Variants in DIO2 observed in about 807,000 individuals in gnomAD.
DIO2 encodes the protein type II iodothyronine deiodinase.
A neutral mutation model predicts 21.4 loss-of-function variants in DIO2; 19 were observed. The observed-to-expected ratio is 0.89, with a 90% CI of 0.62 to 1.30. DIO2 has a LOEUF of 1.30. DIO2 is among the 50% of genes most tolerant of loss of function. The probability of loss-of-function intolerance (pLI) is 0.00; values close to 1 mark genes in which losing one functional copy is unlikely to be tolerated. For synonymous variants in DIO2, 122 were observed against 132.9 expected (o/e 0.92, Z 0.57); for missense variants, 302 against 338.1 (o/e 0.89, Z 0.84).
upstream of DIO2, among the ~76,000 whole-genome samples, chr14:80,213,388 C>T (rs1478691670): frequency 2.6e-5 from 4 of 152,098 alleles, no homozygotes; most frequent in Non-Finnish European, 4.4e-5. Flanking sequence ...TAGCGTATTG[C>T]GTATTTTTTC....
chr14:80,228,128 G>C (rs1888612512), intron 2 of DIO2, among the ~76,000 whole-genome samples: 1 of 152,232 alleles, frequency 6.6e-6, no homozygotes, highest in Non-Finnish European at 1.5e-5. Context: ...GGACCAGTGT[G>C]ATATCTTGCA....
At chr14:80,219,963 G>T (rs1489963623) in intron 2 of DIO2, among the ~76,000 whole-genome samples, 1 of 152,058 alleles carries the variant, frequency 6.6e-6, no homozygotes, top group South Asian at 2.1e-4. Context: ...ACATAATTAG[G>T]AATGGATAAC....
At chr14:80,213,117 T>C (rs920120090), upstream of DIO2, among the ~76,000 whole-genome samples, 3 of 152,208 alleles carry the variant, frequency 2.0e-5, no homozygotes, top group Admixed American at 6.5e-5. Flanking sequence ...GCCGACTGAA[T>C]TGGTTCAAGG....
rs181369623 is a variant in DIO2, at chr14:80,210,975, C to A, written c.222+276G>T. On this transcript the variant is annotated intron_variant, in intron 1 of 1. Coordinates refer to ENST00000438257, the MANE Select transcript of DIO2 (RefSeq NM_013989.5). ...CTTTTCCCAAGTTATCGTACCAGCA[C>A]AATGCCTTCTACTCCCAAATCACAG... 1.1e-4 allele frequency among the ~76,000 whole-genome samples: 16 copies of A among 152,314 alleles called. No individual in the cohort carries two copies. In the East Asian group the frequency reaches 2.9e-3, roughly 28 times the overall value.
intron 2 of DIO2, among the ~76,000 whole-genome samples, chr14:80,219,211 G>C (rs1888416228): frequency 6.6e-6 from 1 of 152,178 alleles, no homozygotes; most frequent in African/African-American, 2.4e-5. Context: ...GTGGAAGGTA[G>C]GGCTGGATTT....
At chr14:80,228,698 A>G (rs772600880) in intron 2 of DIO2, among the ~76,000 whole-genome samples, 21 of 152,172 alleles carry the variant, frequency 1.4e-4, no homozygotes, top group Admixed American at 3.9e-4. Flanking sequence ...AAGTATGTCT[A>G]TACCAATTGT....
chr14:80,228,580 T>C lies in DIO2; in HGVS notation c.-277-11843A>G, dbSNP rs115906974. On this transcript the variant is annotated intron_variant, in intron 2 of 4. Coordinates refer to the DIO2 transcript ENST00000553594. ...GGGATGTGATATTGTCTTGATTTACTATTTTTCTAGGTAGAGCCAGCTCTA... is the reference window on the plus strand; with the variant it reads ...GGGATGTGATATTGTCTTGATTTACCATTTTTCTAGGTAGAGCCAGCTCTA... Among the ~76,000 whole-genome samples, 576 of 152,326 alleles carry C rather than the reference T, an allele frequency of 3.8e-3. 8 individuals are homozygous for C. Among genetic ancestry groups the C allele is most frequent in the African/African-American group, 0.014 (566 of 41,560 alleles).
chr14:80,208,373 T>C (rs1326741383), intron 1 of DIO2, among the ~76,000 whole-genome samples: 1 of 152,068 alleles, frequency 6.6e-6, no homozygotes, highest in African/African-American at 2.4e-5. Context: ...TAAGAAAGGG[T>C]TTATTTAAAA....
At chr14:80,224,687 C>A (rs1269320394) in intron 2 of DIO2, among the ~76,000 whole-genome samples, 2 of 152,086 alleles carry the variant, frequency 1.3e-5, no homozygotes, top group African/African-American at 4.8e-5. Context: ...GTTATAGCAG[C>A]CACAGGAAAC....
chr14:80,208,383 A>C (rs1888034045), intron 1 of DIO2, among the ~76,000 whole-genome samples: 1 of 152,194 alleles, frequency 6.6e-6, no homozygotes, highest in Non-Finnish European at 1.5e-5. Context: ...TTTATTTAAA[A>C]AAAAAAGAAA....
intron 2 of DIO2, among the ~76,000 whole-genome samples, chr14:80,226,585 T>C (rs1340374200): frequency 6.6e-6 from 1 of 152,196 alleles, no homozygotes. Context: ...AATGGTGCCA[T>C]ACCAAGAACT....
chr14:80,214,207 C>A (rs1888295530), upstream of DIO2, among the ~76,000 whole-genome samples: 1 of 152,174 alleles, frequency 6.6e-6, no homozygotes, highest in Middle Eastern at 3.2e-3. Context: ...GCCTTAGAAT[C>A]TCTCCCCTTC....
chr14:80,215,367 CT>C, upstream of DIO2, among the ~76,000 whole-genome samples: 1 of 152,132 alleles, frequency 6.6e-6, no homozygotes, highest in South Asian at 2.1e-4. Flanking sequence ...ACAAGACTTT[CT>C]TTAGTCCTCT....
chr14:80,229,695 G>A (rs549031709), intron 2 of DIO2, among the ~76,000 whole-genome samples: 29 of 152,178 alleles, frequency 1.9e-4, no homozygotes, highest in African/African-American at 6.5e-4. Flanking sequence ...AGCTAACCAA[G>A]CAAATAAACT....
At position 80,198,266 on chromosome 14, in the gene DIO2, CG is replaced by C. The variant is rs1161007800; in HGVS notation, c.*4422del. ...GGAGCTCTGCTGTTGCTGCCTAAGACGGGTAGCCAGCCCCGACTTGCATGAG... is the reference window on the plus strand; with the variant it reads ...GGAGCTCTGCTGTTGCTGCCTAAGACGGTAGCCAGCCCCGACTTGCATGAG... On this transcript the variant is annotated 3_prime_UTR_variant, in exon 2 of 2. Transcript: ENST00000438257. 6.6e-6 allele frequency: 1 copy of C among 152,608 alleles called. No individual in the cohort carries two copies. The highest frequency in any genetic ancestry group is 6.5e-5 in the Admixed American group (1 of 15,274). The allele number at this position is 152,608 out of a possible 1,614,324, so 9.5% of individuals were successfully genotyped here.
chr14:80,208,405 T>C (rs74064459), intron 1 of DIO2, among the ~76,000 whole-genome samples: 1,862 of 152,290 alleles, frequency 0.012, 32 homozygotes, highest in African/African-American at 0.04. Context: ...GAAAATATTT[T>C]GTTCTTTCTT....
At position 80,200,812 on chromosome 14, in the gene DIO2, T is replaced by C. The variant is rs1443361832; in HGVS notation, c.*1877A>G. 1 of 152,232 alleles carries C rather than the reference T, an allele frequency of 6.6e-6. No individual in the cohort carries two copies. Among genetic ancestry groups the C allele is most frequent in the Non-Finnish European group, 1.5e-5 (1 of 68,046 alleles). The allele number at this position is 152,232 out of a possible 1,614,324, so 9.4% of individuals were successfully genotyped here. ...ATACCAGCTGGTGACACGACTGATATGTTGCTCCCATTTAAAAAATAAAAT... is the reference window on the plus strand; with the variant it reads ...ATACCAGCTGGTGACACGACTGATACGTTGCTCCCATTTAAAAAATAAAAT... On this transcript the variant is annotated 3_prime_UTR_variant, in exon 2 of 2. Coordinates refer to ENST00000438257, the MANE Select transcript of DIO2 (RefSeq NM_013989.5).
chr14:80,202,972 A>G lies in DIO2; in HGVS notation c.539T>C (p.Phe180Ser), dbSNP rs768655783. The G allele has an allele frequency of 6.2e-6, 10 of 1,613,976 alleles. No individual in the cohort carries two copies. The Admixed American group carries it at 1.5e-4, about 24-fold the overall frequency. Reference protein sequence around the residue: ...WAIPGDSSLSFEVKKHQNQED... With the variant: ...WAIPGDSSLSSEVKKHQNQED... ...CTGGTTCTGGTGCTTCTTCACCTCA[A>G]AAGACAAAGAGGAGTCCCCCGGTAT... Residue 180 changes from phenylalanine (F) to serine (S), a missense_variant, in exon 2 of 2, where the codon TTT (phenylalanine) becomes TCT (serine). Transcript: ENST00000438257.
rs1265533572 is a variant in DIO2, at chr14:80,211,316, G to T, written c.157C>A (p.Arg53Ser). The T allele has an allele frequency of 6.2e-7, 1 of 1,612,958 alleles. No homozygotes were observed. ...CGCAGTCCCTCTGAGGTCAGCATGC[G>T]CCGCCACTCTCCGCGAGTGGACTTG... ...RSKSTRGEWRRMLTSEGLRCV... is the reference protein window; with the variant it reads ...RSKSTRGEWRSMLTSEGLRCV... Residue 53 changes from arginine to serine, a missense_variant, in exon 1 of 2, where the codon CGC becomes AGC. Arg to Ser is a moderately radical substitution (Grantham distance 110, BLOSUM62 -1). Transcript: ENST00000438257.
Sources: gnomAD v4.1 joint callset for allele counts (sites outside exome capture counted in the v4.1 genomes callset) on GRCh38, gnomAD v4.1.1 for gene constraint, MANE v1.5 for transcripts, NCBI Gene and HGNC (gene_info 2026-07-23, HGNC 2026-07-21) for gene names.